SDK1: variants seen among roughly 807,000 people sequenced by gnomAD.
SDK1 encodes the protein protein sidekick-1.
In SDK1, 157 loss-of-function variants were observed where a neutral mutation model predicts 245.5. That is an observed-to-expected ratio of 0.64 (90% CI 0.56 to 0.73). The LOEUF is 0.73. SDK1 is among the 30% of genes least tolerant of loss of function. The pLI is 0.00. For synonymous variants in SDK1, 1,647 were observed against 1,278.5 expected (o/e 1.29, Z -6.15); for missense variants, 3,583 against 3,002.3 (o/e 1.19, Z -4.52).
chr7:3,559,463 A>G (rs1295015832), intron 1 of SDK1, among the ~76,000 whole-genome samples: 2 of 152,134 alleles, frequency 1.3e-5, no homozygotes, highest in Non-Finnish European at 2.9e-5. Flanking sequence ...ATGGAGAAAG[A>G]TGAATGTTTC....
At position 3,584,239 on chromosome 7, in the gene SDK1, G is replaced by A. The variant is rs180972534; in HGVS notation, c.299-34841G>A. On this transcript the variant is annotated intron_variant, in intron 1 of 44. Transcript: ENST00000404826. ...TTGTGACTGTAGGAGGGGATATGTT[G>A]TGTCATCTCCAAACGTATTTGACCA... is the stretch of plus-strand genomic sequence containing the variant. Among the ~76,000 whole-genome samples the A allele has an allele frequency of 2.0e-5, 3 of 152,224 alleles. No homozygotes were observed. The East Asian group carries it at 5.8e-4, about 29-fold the overall frequency.
intron 1 of SDK1, among the ~76,000 whole-genome samples, chr7:3,443,300 A>G (rs546484767): frequency 1.3e-5 from 2 of 152,312 alleles, no homozygotes; most frequent in African/African-American, 4.8e-5. Context: ...ATGTTTGACA[A>G]TTTTAGAATA....
At chr7:4,117,459 T>C (rs1783787952) in intron 25 of SDK1, among the ~76,000 whole-genome samples, 1 of 152,170 alleles carries the variant, frequency 6.6e-6, no homozygotes, top group Admixed American at 6.5e-5. Context: ...CGGAGCAGGT[T>C]ATTATGCCTC....
chr7:3,968,683 A>G (rs533549241), intron 10 of SDK1, among the ~76,000 whole-genome samples: 2 of 152,344 alleles, frequency 1.3e-5, no homozygotes, highest in African/African-American at 4.8e-5. Context: ...TGTTTAACCA[A>G]ATCTCTAAAT....
intron 1 of SDK1, among the ~76,000 whole-genome samples, chr7:3,320,431 A>T (rs1779774289): frequency 6.6e-6 from 1 of 152,184 alleles, no homozygotes; most frequent in Admixed American, 6.5e-5. Flanking sequence ...AGCAGTCAGA[A>T]TTGTGTATTT....
In SDK1 at chr7:3,432,413, G is replaced by A. The variant is rs1021473011; in HGVS notation, c.298+130529G>A. The stretch of plus-strand genomic sequence containing the variant: ...TGTCAAAAGGTTGATTTGTACTATG[G>A]CAATCTTATTCCTAGATGTGAATTC... On this transcript the variant is annotated intron_variant, in intron 1 of 44. Coordinates refer to ENST00000404826, the MANE Select transcript of SDK1 (RefSeq NM_152744.4). Among the ~76,000 whole-genome samples the A allele has an allele frequency of 5.9e-5, 9 of 151,940 alleles. No individual in the cohort carries two copies. In the South Asian group the frequency reaches 1.9e-3, roughly 31 times the overall value.
chr7:3,342,310 C>G (rs564639681), intron 1 of SDK1, among the ~76,000 whole-genome samples: 1 of 152,228 alleles, frequency 6.6e-6, no homozygotes, highest in African/African-American at 2.4e-5. Flanking sequence ...GAAAGTTAGC[C>G]AGGTGCGGTG....
At chr7:3,931,279 A>C (rs566979882) in intron 5 of SDK1, among the ~76,000 whole-genome samples, 1 of 152,328 alleles carries the variant, frequency 6.6e-6, no homozygotes, top group Admixed American at 6.5e-5. Context: ...AATGGAAGAA[A>C]TATTCTATCA....
intron 14 of SDK1, among the ~76,000 whole-genome samples, chr7:3,997,378 C>G (rs915848993): frequency 2.6e-5 from 4 of 152,160 alleles, no homozygotes; most frequent in African/African-American, 9.7e-5. Context: ...CTCTGCAGCT[C>G]TCAGCAGAGA....
chr7:3,574,886 A>G (rs1341426134), intron 1 of SDK1, among the ~76,000 whole-genome samples: 1 of 152,064 alleles, frequency 6.6e-6, no homozygotes, highest in African/African-American at 2.4e-5. Flanking sequence ...ATTACACGAA[A>G]GGCATTTTCT....
intron 14 of SDK1, among the ~76,000 whole-genome samples, chr7:4,008,882 C>T (rs909896714): frequency 6.6e-6 from 1 of 152,160 alleles, no homozygotes; most frequent in African/African-American, 2.4e-5. Context: ...TCTCTTCGAA[C>T]CCCTCCTTTC....
chr7:4,007,688 T>C (rs990811991), intron 14 of SDK1, among the ~76,000 whole-genome samples: 2 of 152,030 alleles, frequency 1.3e-5, no homozygotes. Context: ...CCCTACAACC[T>C]CCGCCTCCCG....
At chr7:3,399,076 G>C (rs1040397634) in intron 1 of SDK1, among the ~76,000 whole-genome samples, 4 of 152,010 alleles carry the variant, frequency 2.6e-5, no homozygotes, top group African/African-American at 9.7e-5. Context: ...TCTTCTTTTA[G>C]GACCCCAGTT....
In SDK1 at chr7:4,207,841, T is replaced by C. The variant is rs562417843; in HGVS notation, c.5215-258T>C. Among the ~76,000 whole-genome samples, 6 of 152,308 alleles carry C rather than the reference T, an allele frequency of 3.9e-5. No homozygotes were observed. The East Asian group carries it at 9.7e-4, about 25-fold the overall frequency. On this transcript the variant is annotated intron_variant, in intron 36 of 44. Transcript: ENST00000404826. ...AACAGCGCTTTGTTTAACGAGGCAATGCTCATACTCTAGGTGAGCAACAGG... is the reference window on the plus strand; with the variant it reads ...AACAGCGCTTTGTTTAACGAGGCAACGCTCATACTCTAGGTGAGCAACAGG...
intron 5 of SDK1, among the ~76,000 whole-genome samples, chr7:3,933,988 G>C (rs1333434232): frequency 6.6e-6 from 1 of 152,188 alleles, no homozygotes; most frequent in African/African-American, 2.4e-5. Context: ...TGTTGTTCCT[G>C]TTAAGAAAGT....
At chr7:3,303,104 C>G (rs932809986) in intron 1 of SDK1, among the ~76,000 whole-genome samples, 2 of 152,124 alleles carry the variant, frequency 1.3e-5, no homozygotes, top group East Asian at 1.9e-4. Flanking sequence ...TTATGTTTTA[C>G]TACATGAAAA....
At chr7:4,016,334 C>T (rs975154973) in intron 16 of SDK1, among the ~76,000 whole-genome samples, 1 of 152,344 alleles carries the variant, frequency 6.6e-6, no homozygotes, top group South Asian at 2.1e-4. Context: ...GGCAGTCACT[C>T]CTACTGGGCA....
intron 1 of SDK1, among the ~76,000 whole-genome samples, chr7:3,536,679 G>A (rs145244288): frequency 2.6e-5 from 4 of 151,496 alleles, no homozygotes; most frequent in South Asian, 4.2e-4. Context: ...GGGCAACAGA[G>A]TGGGACTCTG....
chr7:4,267,106 G>A lies in SDK1; in HGVS notation c.*1722G>A. 1 of 985,454 alleles carries A rather than the reference G, an allele frequency of 1.0e-6. No homozygotes were observed. Among genetic ancestry groups the A allele is most frequent in the Non-Finnish European group, 1.2e-6 (1 of 829,952 alleles). The allele number at this position is 985,454 out of a possible 1,614,324, so 61.0% of individuals were successfully genotyped here. ...GCCCCAGGAGACCAAGGAGAGTTTT[G>A]TATAGGCTGGAAAACCCCTTTTCAG... is the stretch of plus-strand genomic sequence containing the variant. On this transcript the variant is annotated 3_prime_UTR_variant, in exon 45 of 45. Coordinates refer to ENST00000404826, the MANE Select transcript of SDK1 (RefSeq NM_152744.4).
Sources: gnomAD v4.1 joint callset for allele counts (sites outside exome capture counted in the v4.1 genomes callset) on GRCh38, gnomAD v4.1.1 for gene constraint, MANE v1.5 for transcripts, NCBI Gene and HGNC (gene_info 2026-07-23, HGNC 2026-07-21) for gene names.